The following GALNT14 variants were observed in gnomAD, a reference collection of about 807,000 sequenced individuals.
GALNT14 encodes UDP-GalNAc:polypeptide N-acetylgalactosaminyltransferase 14.
A neutral mutation model predicts 77.5 loss-of-function variants in GALNT14; 60 were observed. The ratio of observed to expected loss-of-function variants is 0.77; its 90% CI spans 0.63 to 0.96. GALNT14 has a LOEUF of 0.96. GALNT14 is among the 40% of genes least tolerant of loss of function. GALNT14 has a pLI of 0.00. For synonymous variants in GALNT14, 280 were observed against 281.7 expected (o/e 0.99, Z 0.06); for missense variants, 710 against 731.0 (o/e 0.97, Z 0.33).
chr2:30,997,883 A>G (rs1272721163), intron 1 of GALNT14, among the ~76,000 whole-genome samples: 30 of 152,190 alleles, frequency 2.0e-4, no homozygotes, highest in Admixed American at 2.0e-3. Flanking sequence ...TATTTTTATT[A>G]CTAACTATAG....
chr2:30,951,449 G>C (rs1432270582), intron 6 of GALNT14, among the ~76,000 whole-genome samples: 2 of 152,152 alleles, frequency 1.3e-5, no homozygotes, highest in Non-Finnish European at 2.9e-5. Context: ...AGAATGAGGA[G>C]TGAGTGATTG....
At chr2:31,067,270 T>C (rs941283747) in intron 1 of GALNT14, among the ~76,000 whole-genome samples, 1 of 152,152 alleles carries the variant, frequency 6.6e-6, no homozygotes, top group Non-Finnish European at 1.5e-5. Flanking sequence ...CAGGAACCTC[T>C]GAACTTCCAG....
chr2:31,130,550 G>C (rs1678924664), intron 1 of GALNT14, among the ~76,000 whole-genome samples: 2 of 152,182 alleles, frequency 1.3e-5, no homozygotes, highest in Admixed American at 1.3e-4. Context: ...CCACACCACA[G>C]AGATGTCCCC....
chr2:31,011,633 G>A (rs1254256780), intron 1 of GALNT14, among the ~76,000 whole-genome samples: 3 of 152,084 alleles, frequency 2.0e-5, no homozygotes, highest in South Asian at 2.1e-4. Context: ...AGGAGAGGGC[G>A]CCTCTCTGAA....
intron 13 of GALNT14, among the ~76,000 whole-genome samples, chr2:30,923,840 CAACA>C (rs1240465832): frequency 6.6e-6 from 1 of 152,212 alleles, no homozygotes; most frequent in African/African-American, 2.4e-5. Context: ...ACACCAACTA[CAACA>C]AACTCATTAA....
chr2:30,966,282 C>T lies in GALNT14; in HGVS notation c.320G>A (p.Cys107Tyr), dbSNP rs760577587. 13 of 1,613,646 alleles carry T rather than the reference C, an allele frequency of 8.1e-6. No homozygotes were observed. In the African/African-American group the frequency reaches 1.5e-4, roughly 18 times the overall value. ...GATGCTAGTGGGTGGAAGGTCCGTG[C>T]AATACACCAGCAGTGTGCATCTGGG... Reference protein sequence around the residue: ...RHLRCTLLVYCTDLPPTSIII... With the variant: ...RHLRCTLLVYYTDLPPTSIII... Residue 107 changes from cysteine to tyrosine, a missense_variant, in exon 3 of 15, where the codon TGC (cysteine) becomes TAC (tyrosine). Physicochemically the swap from Cys to Tyr is radical, Grantham distance 194. Coordinates refer to ENST00000349752, the MANE Select transcript of GALNT14 (RefSeq NM_024572.4).
At chr2:31,123,007 C>G (rs1678491982) in intron 1 of GALNT14, among the ~76,000 whole-genome samples, 1 of 152,026 alleles carries the variant, frequency 6.6e-6, no homozygotes, top group South Asian at 2.1e-4. Context: ...CAGTGAAACC[C>G]TGTCTCTACT....
chr2:31,112,684 C>T (rs1177367839), intron 1 of GALNT14, among the ~76,000 whole-genome samples: 1 of 152,228 alleles, frequency 6.6e-6, no homozygotes, highest in Non-Finnish European at 1.5e-5. Context: ...TGTCCCCCAT[C>T]CCCTGTATGA....
chr2:31,077,396 GTTTC>G (rs1558552578), intron 1 of GALNT14, among the ~76,000 whole-genome samples: 1 of 152,126 alleles, frequency 6.6e-6, no homozygotes, highest in Admixed American at 6.5e-5. Flanking sequence ...ATCTCCAGCA[GTTTC>G]TTTCTCTCCA....
chr2:31,006,682 C>G (rs970199517), intron 1 of GALNT14, among the ~76,000 whole-genome samples: 3 of 152,186 alleles, frequency 2.0e-5, no homozygotes, highest in Non-Finnish European at 2.9e-5. Context: ...GCAGGAAGCA[C>G]AGTTGTACAT....
intron 10 of GALNT14, among the ~76,000 whole-genome samples, chr2:30,930,784 A>G (rs993046117): frequency 6.6e-6 from 1 of 152,258 alleles, no homozygotes; most frequent in Non-Finnish European, 1.5e-5. Context: ...CACTGGAGGC[A>G]GTTAACAGTG....
At chr2:30,932,409 C>G (rs1269146224) in intron 9 of GALNT14, among the ~76,000 whole-genome samples, 1 of 152,240 alleles carries the variant, frequency 6.6e-6, no homozygotes, top group Non-Finnish European at 1.5e-5. Flanking sequence ...AGCAGGGAAA[C>G]AGTGCAAACC....
downstream of GALNT14, among the ~76,000 whole-genome samples, chr2:30,908,789 C>T (rs369320312): frequency 5.0e-3 from 704 of 141,648 alleles, 6 homozygotes; most frequent in Non-Finnish European, 4.3e-3. Context: ...GGAGGCATCA[C>T]GCTACCTGAC....
intron 1 of GALNT14, among the ~76,000 whole-genome samples, chr2:31,107,142 C>A (rs1677600096): frequency 6.6e-6 from 1 of 152,172 alleles, no homozygotes; most frequent in Admixed American, 6.5e-5. Context: ...TTGTTTCTTG[C>A]AGTTAGGTGT....
intron 8 of GALNT14, among the ~76,000 whole-genome samples, chr2:30,942,823 G>C (rs1487590137): frequency 6.6e-6 from 1 of 152,150 alleles, no homozygotes; most frequent in Non-Finnish European, 1.5e-5. Flanking sequence ...CTCTGTTATG[G>C]GTTGAATTCC....
At chr2:31,115,108 G>C (rs1185736028) in intron 1 of GALNT14, among the ~76,000 whole-genome samples, 1 of 151,952 alleles carries the variant, frequency 6.6e-6, no homozygotes, top group Non-Finnish European at 1.5e-5. Context: ...AAATTAGCCA[G>C]GCAGAGTGCC....
In GALNT14 at chr2:30,944,914, C is replaced by G. The variant is rs1223596458; in HGVS notation, c.771G>C (p.Trp257Cys). The G allele has an allele frequency of 1.2e-6, 2 of 1,610,764 alleles. No homozygotes were observed. Among genetic ancestry groups the G allele is most frequent in the Admixed American group, 3.3e-5 (2 of 59,824 alleles). Residue 257 changes from tryptophan to cysteine, a missense_variant, in exon 8 of 15, where the codon TGG (tryptophan) becomes TGC (cysteine). Transcript: ENST00000349752. ...GGFDWSLHFQ[W>C]EQLSPEQKAR... Reference sequence around the variant, plus strand: ...CCTTCTGCTCTGGGGAGAGCTGCTCCCACTGGAAGTGGAGGCTCCAGTCAA... The same window carrying G: ...CCTTCTGCTCTGGGGAGAGCTGCTCGCACTGGAAGTGGAGGCTCCAGTCAA...
At chr2:31,094,273 C>T (rs1000798738) in intron 1 of GALNT14, among the ~76,000 whole-genome samples, 44 of 152,310 alleles carry the variant, frequency 2.9e-4, no homozygotes, top group Non-Finnish European at 2.1e-4. Flanking sequence ...AGATCCATCC[C>T]CTGCCCACAA....
At chr2:31,064,176 TAG>T (rs1192817078) in intron 1 of GALNT14, among the ~76,000 whole-genome samples, 3 of 152,192 alleles carry the variant, frequency 2.0e-5, no homozygotes, top group Non-Finnish European at 4.4e-5. Flanking sequence ...TGAGTAGGGA[TAG>T]AGACTGAAAT....
Sources: gnomAD v4.1 joint callset for allele counts (sites outside exome capture counted in the v4.1 genomes callset) on GRCh38, gnomAD v4.1.1 for gene constraint, MANE v1.5 for transcripts, NCBI Gene and HGNC (gene_info 2026-07-23, HGNC 2026-07-21) for gene names.